PARP12: variants seen among roughly 807,000 people sequenced by gnomAD.
PARP12 encodes poly(ADP-ribose) polymerase family member 12.
A neutral mutation model predicts 72.4 loss-of-function variants in PARP12; 59 were observed. The observed-to-expected ratio is 0.81, with a 90% confidence interval of 0.66 to 1.01. The LOEUF (loss-of-function observed/expected upper bound fraction) is 1.01, where lower values mean the gene tolerates loss of function less well. Ranked by LOEUF, PARP12 falls within the 50% of genes least tolerant of loss-of-function variation. The pLI is 0.00. For missense variants in PARP12, 851 were observed against 914.0 expected, an observed-to-expected ratio of 0.93 and a Z score of 0.89; for synonymous variants, 403 against 371.4, an observed-to-expected ratio of 1.09 and a Z score of -0.98.
chr7:140,061,147 G>A (rs895506484), intron 1 of PARP12, among the ~76,000 whole-genome samples: 10 of 152,194 alleles, frequency 6.6e-5, no homozygotes, highest in Admixed American at 6.5e-4. Flanking sequence ...GCTTCCTAGA[G>A]GCATTTCCCA....
intron 8 of PARP12, 185 bp from the exon 9 acceptor site, chr7:140,028,873 C>A (rs187783895): frequency 1.1e-5 from 5 of 469,268 alleles, no homozygotes; most frequent in African/African-American, 8.0e-5. Flanking sequence ...TTTATCTTTG[C>A]CTATGTAGCC....
intron 5 of PARP12, among the ~76,000 whole-genome samples, chr7:140,044,760 T>A (rs771224527): frequency 1.1e-4 from 16 of 152,260 alleles, no homozygotes; most frequent in Non-Finnish European, 1.8e-4. Context: ...CCAGTAAAAC[T>A]ATCTTTCAAG....
intron 5 of PARP12, among the ~76,000 whole-genome samples, 178 bp downstream of exon 5, chr7:140,046,706 G>A (rs1816737445): frequency 6.7e-6 from 1 of 148,416 alleles, no homozygotes; most frequent in Non-Finnish European, 1.5e-5. Context: ...TCTACCTCCA[G>A]ACTAGGTGGC....
chr7:140,040,192 G>C (rs1024828099), intron 6 of PARP12, among the ~76,000 whole-genome samples: 1 of 152,144 alleles, frequency 6.6e-6, no homozygotes. Flanking sequence ...GGGATTCCCG[G>C]AGCATGATTG....
chr7:140,024,881 G>C lies in PARP12; in HGVS notation c.1785C>G (p.Ser595Arg), dbSNP rs1326448944. The C allele has an allele frequency of 1.9e-6, 3 of 1,612,450 alleles. No homozygotes were observed. Among genetic ancestry groups the C allele is most frequent in the Non-Finnish European group, 2.5e-6 (3 of 1,178,706 alleles). ...GVHGTSYGKGSYFARDAAYSH... is the reference protein window; with the variant it reads ...GVHGTSYGKGRYFARDAAYSH... Reference sequence around the variant, plus strand: ...AATATGCAGCATCTCGGGCAAAGTAGCTCCCTGAAATGACACACGAGGGCT... The same window carrying C: ...AATATGCAGCATCTCGGGCAAAGTACCTCCCTGAAATGACACACGAGGGCT... Residue 595 changes from serine to arginine, a missense_variant, in exon 12 of 12, where the codon AGC becomes AGG. Ser to Arg is a moderately radical substitution (Grantham distance 110, BLOSUM62 -1). Transcript: ENST00000263549.
intron 1 of PARP12, among the ~76,000 whole-genome samples, 158 bp from the exon 2 acceptor site, chr7:140,058,192 C>T (rs1246863232): frequency 6.6e-6 from 1 of 152,082 alleles, no homozygotes; most frequent in African/African-American, 2.4e-5. Flanking sequence ...GGGTGGGCCC[C>T]AAACCCACAA....
At chr7:140,025,325 T>C (rs1217438026) in intron 11 of PARP12, 1 of 287,260 alleles carries the variant, frequency 3.5e-6, no homozygotes, top group East Asian at 8.4e-5. Context: ...ATTATGAGCC[T>C]TGTCAAATGG....
rs753258817 is a variant in PARP12 at position 140,028,668 on chromosome 7, G to A, written c.1442C>T (p.Pro481Leu). The change falls in exon 9 of 12, where the codon CCG becomes CTG. Residue 481 changes from proline to leucine, a missense_variant. By Grantham distance (98) the Pro-to-Leu change is moderately conservative. Coordinates refer to ENST00000263549, the MANE Select transcript of PARP12 (RefSeq NM_022750.4). ...GTCCCAATAGTCTGGGATGCTCTTC[G>A]GGCCTGGAAACTTGGTATTGCTACA... ...MQTCNTKFPG[P>L]KSIPDYWDSS... 1.4e-5 allele frequency: 23 copies of A among 1,604,180 alleles called. No homozygotes were observed. Among genetic ancestry groups the A allele is most frequent in the Middle Eastern group, 1.6e-4 (1 of 6,066 alleles).
chr7:140,034,504 G>A, intron 7 of PARP12, 173 bp from the exon 8 acceptor site: 1 of 492,722 alleles, frequency 2.0e-6, no homozygotes, highest in Non-Finnish European at 3.6e-6. Context: ...TATTCATAAA[G>A]AAAATAGGTA....
chr7:140,038,345 T>C (rs1180451987), intron 6 of PARP12: 1 of 959,398 alleles, frequency 1.0e-6, no homozygotes, highest in African/African-American at 1.8e-5. Context: ...AAATTATCCA[T>C]TTCAATCCCT....
In PARP12 at chr7:140,024,152, A is replaced by G; in HGVS notation, c.*408T>C. 1 of 299,824 alleles carries G rather than the reference A, an allele frequency of 3.3e-6. No homozygotes were observed. The highest frequency in any genetic ancestry group is 3.0e-5 in the South Asian group (1 of 33,120). The allele number at this position is 299,824 out of a possible 1,614,324, so 18.6% of individuals were successfully genotyped here. ...CGTGGGCTGTCATCCACCGGTGGCT[A>G]CTGTGTCATTCTGGAAAAACTATGA... On this transcript the variant is annotated 3_prime_UTR_variant, in exon 12 of 12. Transcript: ENST00000263549.
intron 11 of PARP12, 57 bp from the exon 12 acceptor site, chr7:140,024,942 G>C (rs3735351): frequency 0.093 from 142,314 of 1,523,382 alleles, 7,333 homozygotes; most frequent in Non-Finnish European, 0.11. Flanking sequence ...GGAAGGGTCA[G>C]CACACTGCGA....
chr7:140,040,363 G>A (rs1263756236), intron 6 of PARP12, among the ~76,000 whole-genome samples: 1 of 152,194 alleles, frequency 6.6e-6, no homozygotes, highest in Non-Finnish European at 1.5e-5. Flanking sequence ...GGCAGGCAGG[G>A]CAGAGCAGCA....
chr7:140,033,137 C>A (rs1371193950), intron 8 of PARP12: 6 of 966,776 alleles, frequency 6.2e-6, no homozygotes, highest in Non-Finnish European at 7.4e-6. Flanking sequence ...AAGCAATCTA[C>A]CCGCCTCGGC....
At chr7:140,030,309 A>C (rs1283816984) in intron 8 of PARP12, among the ~76,000 whole-genome samples, 2 of 152,210 alleles carry the variant, frequency 1.3e-5, no homozygotes, top group Non-Finnish European at 2.9e-5. Context: ...CAAAATAAAT[A>C]CATGTTGGCC....
At chr7:140,025,657 T>C in intron 11 of PARP12, 1 of 386,028 alleles carries the variant, frequency 2.6e-6, no homozygotes, top group Non-Finnish European at 5.2e-6. Context: ...TGAACGCAGG[T>C]AAAATTTACC....
chr7:140,033,341 T>C, intron 8 of PARP12: 1 of 985,470 alleles, frequency 1.0e-6, no homozygotes, highest in Non-Finnish European at 1.2e-6. Flanking sequence ...GACCTTTGCA[T>C]GCTTCACAAA....
At chr7:140,044,625 T>C (rs1816641829) in intron 5 of PARP12, among the ~76,000 whole-genome samples, 1 of 152,200 alleles carries the variant, frequency 6.6e-6, no homozygotes, top group African/African-American at 2.4e-5. Flanking sequence ...TCATGGTAAT[T>C]TGTTACAGCA....
chr7:140,054,275 G>C (rs1354092618), intron 4 of PARP12, among the ~76,000 whole-genome samples: 1 of 152,158 alleles, frequency 6.6e-6, no homozygotes, highest in Non-Finnish European at 1.5e-5. Flanking sequence ...TTCCTTCGCA[G>C]TGAGGTCCTT....
Sources: allele counts gnomAD v4.1 joint callset (sites outside exome capture counted in the v4.1 genomes callset), GRCh38; gene constraint gnomAD v4.1.1; transcripts MANE v1.5; gene names NCBI Gene and HGNC (gene_info 2026-07-23, HGNC 2026-07-21).